Variants in ATP13A5 observed in about 807,000 individuals in gnomAD.
ATP13A5 encodes probable cation-transporting ATPase 13A5.
Under a neutral mutation model 150.2 loss-of-function variants are expected in ATP13A5, and 149 were observed. The ratio of observed to expected loss-of-function variants is 0.99; its 90% CI spans 0.87 to 1.14. The LOEUF (loss-of-function observed/expected upper bound fraction) is 1.14, where lower values mean the gene tolerates loss of function less well. ATP13A5 is among the 50% of genes most tolerant of loss of function. ATP13A5 has a pLI of 0.00. For missense variants in ATP13A5, 1,383 were observed against 1,449.3 expected, an observed-to-expected ratio of 0.95 and a Z score of 0.74; for synonymous variants, 497 against 522.2, an observed-to-expected ratio of 0.95 and a Z score of 0.66.
At chr3:193,280,397 G>C (rs1467492048) in intron 27 of ATP13A5, among the ~76,000 whole-genome samples, 1 of 152,100 alleles carries the variant, frequency 6.6e-6, no homozygotes, top group African/African-American at 2.4e-5. Context: ...TCTTCAAAGA[G>C]TAATACTCCC....
intron 29 of ATP13A5, 115 bp downstream of exon 29, chr3:193,276,635 C>T: frequency 1.4e-6 from 1 of 712,632 alleles, no homozygotes; most frequent in Non-Finnish European, 2.4e-6. Flanking sequence ...TTAATAAACC[C>T]TTAATAACTG....
In ATP13A5 at chr3:193,362,556, ATTGTACTTACCCAACTT is replaced by A. The variant is rs770254877; in HGVS notation, c.449_455+10del. The A allele has an allele frequency of 3.1e-6, 5 of 1,613,888 alleles. No homozygotes were observed. Among genetic ancestry groups the A allele is most frequent in the Middle Eastern group, 1.6e-4 (1 of 6,062 alleles). On this transcript the variant is annotated splice_donor_variant and splice_donor_5th_base_variant and coding_sequence_variant and intron_variant, in exon 4 of 30. Coordinates refer to ENST00000342358, the MANE Select transcript of ATP13A5 (RefSeq NM_198505.4). LOFTEE classifies it high-confidence loss of function. ...TATCCTGACCAAGGGGTGACAAAAC[ATTGTACTTACCCAACTT>A]TCTGAAACCGCTTCTCCAGGTCGTT...
At chr3:193,308,918 G>A (rs1397721559) in intron 21 of ATP13A5, among the ~76,000 whole-genome samples, 4 of 152,122 alleles carry the variant, frequency 2.6e-5, no homozygotes, top group Non-Finnish European at 5.9e-5. Context: ...TTAGTCACTG[G>A]TTACTTACCC....
intron 8 of ATP13A5, 113 bp downstream of exon 8, chr3:193,344,890 T>G (rs1283649052): frequency 7.3e-6 from 8 of 1,093,282 alleles, no homozygotes; most frequent in Non-Finnish European, 1.1e-5. Context: ...CTCGTCCCAG[T>G]TCTGGGTTCA....
intron 11 of ATP13A5, among the ~76,000 whole-genome samples, chr3:193,333,257 G>A (rs761731909): frequency 2.0e-5 from 3 of 151,576 alleles, no homozygotes; most frequent in Non-Finnish European, 4.4e-5. Flanking sequence ...CACCTGTTTG[G>A]ATGTTTTATT....
chr3:193,311,897 T>G lies in ATP13A5; in HGVS notation c.2364A>C (p.Glu788Asp), dbSNP rs766023378. Residue 788 changes from glutamate to aspartate, a missense_variant, in exon 20 of 30, where the codon GAA (glutamate) becomes GAC (aspartate). Coordinates refer to ENST00000342358, the MANE Select transcript of ATP13A5 (RefSeq NM_198505.4). ...TTGCAAAATGGTAACAGCTTCCTCC[T>G]TCCCCACGAGGGGTTGAACTGTTTC... is the stretch of plus-strand genomic sequence containing the variant. ...HTGNSSTPRG[E>D]GGSCYHFAMS... is the part of the protein sequence containing the mutation. 4.3e-6 allele frequency: 7 copies of G among 1,613,836 alleles called. No individual in the cohort carries two copies. In the Admixed American group the frequency reaches 1.0e-4, roughly 23 times the overall value.
chr3:193,334,058 T>C (rs1466723412), intron 10 of ATP13A5, 151 bp from the exon 11 acceptor site: 2 of 694,296 alleles, frequency 2.9e-6, no homozygotes, highest in Non-Finnish European at 4.5e-6. Context: ...TTCATGATTT[T>C]TAACCATGAG....
At chr3:193,295,256 C>T (rs1718120311) in intron 25 of ATP13A5, among the ~76,000 whole-genome samples, 1 of 152,060 alleles carries the variant, frequency 6.6e-6, no homozygotes, top group Non-Finnish European at 1.5e-5. Flanking sequence ...TATTTATCAG[C>T]TTTCTCTTGC....
chr3:193,353,928 G>T (rs942435240), intron 6 of ATP13A5, among the ~76,000 whole-genome samples, 199 bp downstream of exon 6: 1 of 125,828 alleles, frequency 7.9e-6, no homozygotes, highest in Non-Finnish European at 1.7e-5. Context: ...AAACAAACAG[G>T]AGATTATGAG....
intron 1 of ATP13A5, among the ~76,000 whole-genome samples, chr3:193,366,845 A>G (rs983527446): frequency 1.3e-5 from 2 of 152,122 alleles, no homozygotes; most frequent in Non-Finnish European, 1.5e-5. Flanking sequence ...ACATTCTGAG[A>G]CATAAAGTAT....
chr3:193,378,411 G>A (rs567953462), intron 1 of ATP13A5, among the ~76,000 whole-genome samples: 1 of 152,286 alleles, frequency 6.6e-6, no homozygotes, highest in Non-Finnish European at 1.5e-5. Context: ...AAATGTGCGA[G>A]GAAACATCAC....
intron 9 of ATP13A5, among the ~76,000 whole-genome samples, chr3:193,339,793 T>G (rs888729419): frequency 5.7e-4 from 87 of 152,046 alleles, no homozygotes; most frequent in African/African-American, 2.0e-3. Context: ...ATCATTTCCT[T>G]TTTTTTTGCT....
chr3:193,305,346 C>T (rs1008741707), intron 23 of ATP13A5, among the ~76,000 whole-genome samples: 2 of 152,196 alleles, frequency 1.3e-5, no homozygotes, highest in African/African-American at 4.8e-5. Flanking sequence ...ATGATACCCA[C>T]CTATCCTTTA....
chr3:193,310,807 A>T, intron 20 of ATP13A5, 90 bp from the exon 21 acceptor site: 1 of 916,890 alleles, frequency 1.1e-6, no homozygotes, highest in Non-Finnish European at 1.7e-6. Flanking sequence ...ACTCCTGGTT[A>T]CTAATTTAAT....
chr3:193,378,369 C>A (rs58905633), intron 1 of ATP13A5, among the ~76,000 whole-genome samples: 1 of 152,302 alleles, frequency 6.6e-6, no homozygotes, highest in Middle Eastern at 3.4e-3. Context: ...AGACACCCCA[C>A]TGAGCACCAT....
chr3:193,310,668 G>A lies in ATP13A5; in HGVS notation c.2495C>T (p.Ser832Leu), dbSNP rs1718808071. ...VFARMSPGQK[S>L]SLIEEFQKLN... ...TTTCTGAAATTCTTCAATAAGGCTT[G>A]ATTTCTGCCCAGGAGACATTCTTGC... Residue 832 changes from serine (S) to leucine (L), a missense_variant, in exon 21 of 30, where the codon TCA (serine) becomes TTA (leucine). By Grantham distance (145) the Ser-to-Leu change is moderately radical (BLOSUM62 -2). Coordinates refer to ENST00000342358, the MANE Select transcript of ATP13A5 (RefSeq NM_198505.4). 5 of 1,608,528 alleles carry A rather than the reference G, an allele frequency of 3.1e-6. No homozygotes were observed. Among genetic ancestry groups the A allele is most frequent in the Non-Finnish European group, 4.2e-6 (5 of 1,178,604 alleles).
intron 25 of ATP13A5, among the ~76,000 whole-genome samples, chr3:193,294,727 C>T (rs1718094347): frequency 6.6e-6 from 1 of 152,084 alleles, no homozygotes; most frequent in South Asian, 2.1e-4. Context: ...AATGGGGTTA[C>T]ATTCTGATAA....
intron 23 of ATP13A5, among the ~76,000 whole-genome samples, chr3:193,301,786 G>A (rs1357638511): frequency 6.6e-6 from 1 of 152,118 alleles, no homozygotes; most frequent in Admixed American, 6.6e-5. Flanking sequence ...TAGGTGCTTT[G>A]ACATTTTAGG....
intron 3 of ATP13A5, 101 bp downstream of exon 3, chr3:193,363,135 C>A (rs778254651): frequency 2.2e-6 from 3 of 1,363,130 alleles, no homozygotes; most frequent in Admixed American, 2.1e-5. Flanking sequence ...AGCTGTCATT[C>A]CCATTCCAAA....
Sources: gnomAD v4.1 joint callset for allele counts (sites outside exome capture counted in the v4.1 genomes callset) on GRCh38, gnomAD v4.1.1 for gene constraint, MANE v1.5 for transcripts, NCBI Gene and HGNC (gene_info 2026-07-23, HGNC 2026-07-21) for gene names.